DPP10: variants seen among roughly 807,000 people sequenced by gnomAD.
DPP10 encodes the protein inactive dipeptidyl peptidase 10.
DPP10 carries 33 observed loss-of-function variants against 120.9 expected under a neutral mutation model. That is an observed-to-expected ratio of 0.27 (90% CI 0.21 to 0.37). DPP10 has a LOEUF of 0.37. Among genes scored for constraint, DPP10 ranks in the 10% least tolerant of loss-of-function variants. The pLI is 1.00. For missense variants in DPP10, 816 were observed against 942.8 expected, an observed-to-expected ratio of 0.87 and a Z score of 1.76; for synonymous variants, 337 against 326.1, an observed-to-expected ratio of 1.03 and a Z score of -0.36.
intron 1 of DPP10, among the ~76,000 whole-genome samples, chr2:114,588,127 C>A (rs1265881548): frequency 6.6e-6 from 1 of 152,032 alleles, no homozygotes; most frequent in African/African-American, 2.4e-5. Flanking sequence ...ATTTACAGAA[C>A]AAATAAAAAA....
chr2:114,848,430 C>T (rs1377649067), intron 1 of DPP10, among the ~76,000 whole-genome samples: 21 of 152,072 alleles, frequency 1.4e-4, no homozygotes, highest in Non-Finnish European at 1.5e-5. Flanking sequence ...TAAACAACTC[C>T]AACCAAAAAT....
At chr2:114,688,672 G>A (rs1160073442) in intron 1 of DPP10, among the ~76,000 whole-genome samples, 1 of 151,970 alleles carries the variant, frequency 6.6e-6, no homozygotes, top group Non-Finnish European at 1.5e-5. Flanking sequence ...CTTGGCATGT[G>A]AGGAATCCAC....
intron 1 of DPP10, among the ~76,000 whole-genome samples, chr2:115,046,569 T>C (rs1214788839): frequency 6.6e-6 from 1 of 152,198 alleles, no homozygotes; most frequent in Non-Finnish European, 1.5e-5. Context: ...GTTTGTAATT[T>C]CCAACCACAG....
intron 1 of DPP10, among the ~76,000 whole-genome samples, chr2:115,151,414 CTTTT>C (rs35551255): frequency 7.1e-6 from 1 of 141,154 alleles, no homozygotes; most frequent in African/African-American, 2.6e-5. Context: ...CTTTCTTATA[CTTTT>C]TTTTTTTTTT....
At chr2:115,799,765 C>G (rs1356615785) in intron 19 of DPP10, among the ~76,000 whole-genome samples, 3 of 150,622 alleles carry the variant, frequency 2.0e-5, no homozygotes, top group African/African-American at 4.9e-5. Flanking sequence ...GACATGAACT[C>G]ACCATTTTTT....
At chr2:114,543,044 C>T (rs1687076921) in intron 1 of DPP10, among the ~76,000 whole-genome samples, 1 of 152,192 alleles carries the variant, frequency 6.6e-6, no homozygotes, top group Non-Finnish European at 1.5e-5. Context: ...TACGTTTTCA[C>T]CACAAAGACT....
intron 12 of DPP10, among the ~76,000 whole-genome samples, chr2:115,766,121 G>T (rs1028391029): frequency 6.6e-6 from 1 of 151,560 alleles, no homozygotes; most frequent in African/African-American, 2.4e-5. Context: ...GCCCTATGGG[G>T]CTTACATTAC....
At chr2:115,451,305 TA>T (rs2073090436) in intron 3 of DPP10, among the ~76,000 whole-genome samples, 1 of 151,906 alleles carries the variant, frequency 6.6e-6, no homozygotes, top group Non-Finnish European at 1.5e-5. Flanking sequence ...TAAATACATA[TA>T]ATTTATTATT....
At chr2:115,284,032 G>A (rs1053209267) in intron 1 of DPP10, among the ~76,000 whole-genome samples, 2 of 151,812 alleles carry the variant, frequency 1.3e-5, no homozygotes, top group Admixed American at 6.6e-5. Flanking sequence ...AGTGTATCCC[G>A]GTCCTTCAGC....
intron 1 of DPP10, among the ~76,000 whole-genome samples, chr2:115,052,951 C>CTCA (rs371220443): frequency 6.6e-5 from 8 of 121,980 alleles, no homozygotes; most frequent in Middle Eastern, 4.0e-3. Context: ...GACTCCATCT[C>CTCA]AAAAAAAAAA....
At chr2:115,509,092 T>C (rs1474689950) in intron 4 of DPP10, among the ~76,000 whole-genome samples, 1 of 152,048 alleles carries the variant, frequency 6.6e-6, no homozygotes, top group Non-Finnish European at 1.5e-5. Flanking sequence ...ATGCGGGTCA[T>C]GGTGCTAAAT....
At chr2:115,524,037 C>T (rs542586477) in intron 4 of DPP10, among the ~76,000 whole-genome samples, 2 of 152,250 alleles carry the variant, frequency 1.3e-5, no homozygotes, top group African/African-American at 4.8e-5. Flanking sequence ...GGTGATGTCT[C>T]GCTGACCATT....
intron 1 of DPP10, among the ~76,000 whole-genome samples, chr2:114,998,262 T>C (rs554832710): frequency 7.2e-5 from 11 of 152,314 alleles, no homozygotes; most frequent in Admixed American, 2.0e-4. Context: ...GACCTCGGAC[T>C]TCCAAAATAA....
rs976983590 is a variant in DPP10, at chr2:114,828,907, C to T, written c.60+386069C>T. On this transcript the variant is annotated intron_variant, in intron 1 of 25. Transcript: ENST00000410059. ...GAGAGAGATATTGAAAATGAATAAACAGTCCAGGGCATAGAAAAGTTTGTG... is the reference window on the plus strand; with the variant it reads ...GAGAGAGATATTGAAAATGAATAAATAGTCCAGGGCATAGAAAAGTTTGTG... 14 of 152,228 alleles carry T rather than the reference C, an allele frequency of 9.2e-5. 1 individual carries two copies. The East Asian group carries it at 9.7e-4, about 11-fold the overall frequency. The allele number at this position is 152,228 out of a possible 1,614,324, so 9.4% of individuals were successfully genotyped here.
chr2:115,087,843 C>T (rs1013749417), intron 1 of DPP10, among the ~76,000 whole-genome samples: 3 of 152,076 alleles, frequency 2.0e-5, no homozygotes, highest in Non-Finnish European at 2.9e-5. Context: ...CATGAGTCAC[C>T]GCACCCAGCC....
intron 2 of DPP10, among the ~76,000 whole-genome samples, chr2:115,332,142 T>A (rs1574455796): frequency 6.6e-6 from 1 of 152,284 alleles, no homozygotes; most frequent in Non-Finnish European, 1.5e-5. Flanking sequence ...TTCTTCCTGG[T>A]TTAGTCTTGG....
At chr2:115,555,877 A>T (rs142579712) in intron 5 of DPP10, among the ~76,000 whole-genome samples, 3 of 152,034 alleles carry the variant, frequency 2.0e-5, no homozygotes, top group Admixed American at 6.6e-5. Context: ...TTTGTCATGT[A>T]TGTGTGGTGG....
At chr2:115,639,615 A>G (rs528258291) in intron 5 of DPP10, among the ~76,000 whole-genome samples, 3 of 140,036 alleles carry the variant, frequency 2.1e-5, no homozygotes, top group African/African-American at 7.4e-5. Flanking sequence ...ATGAAACTCA[A>G]ATGCATTACA....
intron 1 of DPP10, among the ~76,000 whole-genome samples, chr2:115,164,124 A>G (rs897658755): frequency 1.3e-5 from 2 of 152,162 alleles, no homozygotes; most frequent in African/African-American, 4.8e-5. Flanking sequence ...AATCTTATGC[A>G]TGTGTTCTAA....
Sources: gnomAD v4.1 joint callset for allele counts (sites outside exome capture counted in the v4.1 genomes callset) on GRCh38, gnomAD v4.1.1 for gene constraint, MANE v1.5 for transcripts, NCBI Gene and HGNC (gene_info 2026-07-23, HGNC 2026-07-21) for gene names.